Variants in CHL1 observed in about 807,000 individuals in gnomAD.
CHL1 encodes neural cell adhesion molecule L1-like protein.
CHL1 carries 96 observed loss-of-function variants against 141.9 expected under a neutral mutation model. The ratio of observed to expected loss-of-function variants is 0.68; its 90% CI spans 0.57 to 0.80. CHL1 has a LOEUF of 0.80. CHL1 is among the 30% of genes least tolerant of loss of function. The pLI is 0.00. For synonymous variants in CHL1, 613 were observed against 502.2 expected, an observed-to-expected ratio of 1.22 and a Z score of -2.95; for missense variants, 1,820 against 1,457.2, an observed-to-expected ratio of 1.25 and a Z score of -4.05.
chr3:377,760 G>C (rs1706517572), intron 15 of CHL1, 58 bp from the exon 16 acceptor site: 2 of 1,425,512 alleles, frequency 1.4e-6, no homozygotes, highest in Admixed American at 1.9e-5. Context: ...AAAAGAATTG[G>C]GTTTCTATCA....
intron 5 of CHL1, among the ~76,000 whole-genome samples, chr3:335,042 C>A (rs1321827514): frequency 6.6e-6 from 1 of 152,134 alleles, no homozygotes; most frequent in African/African-American, 2.4e-5. Flanking sequence ...TTAATGAAAA[C>A]TAATTAGAAA....
intron 10 of CHL1, among the ~76,000 whole-genome samples, chr3:351,525 A>AT (rs979069125): frequency 2.6e-5 from 4 of 151,872 alleles, no homozygotes; most frequent in Non-Finnish European, 2.9e-5. Flanking sequence ...TGTTTATTCA[A>AT]TTTTTTCTGC....
At chr3:312,583 C>T (rs1012140074) in intron 2 of CHL1, among the ~76,000 whole-genome samples, 4 of 152,114 alleles carry the variant, frequency 2.6e-5, no homozygotes, top group Non-Finnish European at 5.9e-5. Flanking sequence ...TTTGCTGGAC[C>T]TCCTCCCCAT....
chr3:328,141 T>C (rs1222997851), intron 4 of CHL1, 26 bp from the exon 5 acceptor site: 10 of 1,563,348 alleles, frequency 6.4e-6, no homozygotes, highest in Non-Finnish European at 8.7e-6. Flanking sequence ...TTTTTCAGGA[T>C]TATTAAGTTC....
At chr3:384,892 A>G (rs1440764377) in intron 19 of CHL1, among the ~76,000 whole-genome samples, 1 of 152,218 alleles carries the variant, frequency 6.6e-6, no homozygotes, top group Non-Finnish European at 1.5e-5. Context: ...CTCATTACAC[A>G]ATCACATGGC....
chr3:344,978 G>T (rs1468138727), intron 9 of CHL1, among the ~76,000 whole-genome samples: 1 of 151,872 alleles, frequency 6.6e-6, no homozygotes, highest in East Asian at 1.9e-4. Flanking sequence ...GACAGAGAAA[G>T]ACCTCATCTA....
At chr3:374,727 G>T (rs1706098370) in intron 15 of CHL1, among the ~76,000 whole-genome samples, 1 of 152,158 alleles carries the variant, frequency 6.6e-6, no homozygotes, top group African/African-American at 2.4e-5. Context: ...AACTGCTGCT[G>T]GCTGGCCTTG....
At chr3:243,274 G>A (rs1404263730) in intron 1 of CHL1, among the ~76,000 whole-genome samples, 2 of 152,096 alleles carry the variant, frequency 1.3e-5, no homozygotes, top group Admixed American at 1.3e-4. Flanking sequence ...ACAGCAACAT[G>A]GGAGCCAGGT....
At chr3:278,823 C>A (rs554535858) in intron 2 of CHL1, among the ~76,000 whole-genome samples, 2 of 152,276 alleles carry the variant, frequency 1.3e-5, no homozygotes, top group South Asian at 4.1e-4. Context: ...CAGGAAGCAA[C>A]GTTTTAGTTT....
rs2125444395 is a variant in CHL1, at chr3:390,941, G to T, written c.2587-14G>T. On this transcript the variant is annotated splice_polypyrimidine_tract_variant and intron_variant, in intron 21 of 27. Transcript: ENST00000256509. ...CACAATGGATATACTAAAAGATTTT[G>T]GTTTTCATTGCAGATAAATTGGTGG... 1 of 1,607,380 alleles carries T rather than the reference G, an allele frequency of 6.2e-7. No individual in the cohort carries two copies. The highest frequency in any genetic ancestry group is 1.1e-5 in the South Asian group (1 of 90,896).
At chr3:339,668 C>T (rs932338091) in intron 5 of CHL1, among the ~76,000 whole-genome samples, 5 of 152,170 alleles carry the variant, frequency 3.3e-5, no homozygotes, top group Non-Finnish European at 7.3e-5. Context: ...CCAGCTGGTG[C>T]ATCGATAAGA....
chr3:268,647 C>A (rs1480917047), intron 2 of CHL1, among the ~76,000 whole-genome samples: 1 of 152,188 alleles, frequency 6.6e-6, no homozygotes, highest in Non-Finnish European at 1.5e-5. Flanking sequence ...CAGGTTTCTT[C>A]TTTCCCTCAA....
intron 3 of CHL1, among the ~76,000 whole-genome samples, chr3:322,643 AAAATATAT>A (rs1575064854): frequency 1.2e-5 from 1 of 86,064 alleles, no homozygotes; most frequent in East Asian, 2.8e-4. Flanking sequence ...ATATATATAT[AAAATATAT>A]ATATATATAT....
At chr3:347,675 T>A (rs1702880710) in intron 9 of CHL1, among the ~76,000 whole-genome samples, 1 of 152,200 alleles carries the variant, frequency 6.6e-6, no homozygotes, top group African/African-American at 2.4e-5. Context: ...CAGAGCAGCC[T>A]ATAACTTGGC....
intron 2 of CHL1, among the ~76,000 whole-genome samples, chr3:290,800 G>A (rs1459170223): frequency 6.6e-6 from 1 of 151,944 alleles, no homozygotes; most frequent in Non-Finnish European, 1.5e-5. Context: ...GCCAGGTGTG[G>A]TGGCACACAC....
rs1433139838 is a variant in CHL1 at position 365,950 on chromosome 3, A to C, written c.1586A>C (p.Asn529Thr). 1 of 1,611,334 alleles carries C rather than the reference A, an allele frequency of 6.2e-7. No individual in the cohort carries two copies. The highest frequency in any genetic ancestry group is 1.3e-5 in the African/African-American group (1 of 74,940). ...TAVTANLDIR[N>T]ATKLRVSPKN... is the part of the protein sequence containing the mutation. ...TAATATCTTTGTTTGGTAAAAACAG[A>C]TGCTACAAAACTTAGAGTTTCTCCT... is the stretch of plus-strand genomic sequence containing the variant. The change falls in exon 15 of 28, where the codon AAT (asparagine) becomes ACT (threonine). Residue 529 changes from asparagine (N) to threonine (T), a missense_variant and splice_region_variant. Physicochemically the swap from Asn to Thr is moderately conservative, Grantham distance 65. Transcript: ENST00000256509.
intron 2 of CHL1, among the ~76,000 whole-genome samples, chr3:275,613 T>C (rs1313053237): frequency 5.9e-5 from 9 of 152,188 alleles, no homozygotes; most frequent in South Asian, 2.1e-4. Flanking sequence ...CATGACATCA[T>C]AGGCAGGGAA....
intron 2 of CHL1, among the ~76,000 whole-genome samples, chr3:287,201 A>T (rs897105943): frequency 3.3e-5 from 5 of 151,810 alleles, no homozygotes; most frequent in African/African-American, 1.2e-4. Flanking sequence ...ATAAAAATTT[A>T]AAATGTCATA....
chr3:230,231 A>G (rs767160651), intron 1 of CHL1, among the ~76,000 whole-genome samples: 2 of 152,192 alleles, frequency 1.3e-5, no homozygotes, highest in African/African-American at 4.8e-5. Context: ...TTAAGCTCCT[A>G]TATGATGCCT....
Sources: gnomAD v4.1 joint callset for allele counts (sites outside exome capture counted in the v4.1 genomes callset) on GRCh38, gnomAD v4.1.1 for gene constraint, MANE v1.5 for transcripts, NCBI Gene and HGNC (gene_info 2026-07-23, HGNC 2026-07-21) for gene names.